The following ACTN2 variants were observed in gnomAD, a reference collection of about 807,000 sequenced individuals.
ACTN2 encodes alpha-actinin-2.
A neutral mutation model predicts 113.8 loss-of-function variants in ACTN2; 39 were observed. The observed-to-expected ratio is 0.34, with a 90% CI of 0.27 to 0.45. The LOEUF is 0.45. ACTN2 is among the 20% of genes least tolerant of loss of function. The probability of loss-of-function intolerance (pLI) is 1.00; values close to 1 mark genes in which losing one functional copy is unlikely to be tolerated. For missense variants in ACTN2, 992 were observed against 1,177.9 expected (o/e 0.84, Z 2.31); for synonymous variants, 429 against 444.1 (o/e 0.97, Z 0.43).
chr1:236,734,589 C>T (rs1240984990), intron 7 of ACTN2: 7 of 1,153,574 alleles, frequency 6.1e-6, no homozygotes, highest in Non-Finnish European at 8.5e-6. Context: ...CAATTGTTTT[C>T]CTCTTTTTTC....
chr1:236,724,570 A>T (rs1658493140), intron 4 of ACTN2, among the ~76,000 whole-genome samples: 1 of 152,220 alleles, frequency 6.6e-6, no homozygotes, highest in Non-Finnish European at 1.5e-5. Flanking sequence ...TTCTGAGGTT[A>T]ATTTCGCCAG....
intron 1 of ACTN2, among the ~76,000 whole-genome samples, chr1:236,705,097 T>A (rs2102874492): frequency 6.6e-6 from 1 of 152,294 alleles, no homozygotes; most frequent in East Asian, 1.9e-4. Context: ...AGCCTGCTCC[T>A]GAGGCCTGAG....
At chr1:236,696,987 C>A (rs367705247) in intron 1 of ACTN2, among the ~76,000 whole-genome samples, 29 of 152,140 alleles carry the variant, frequency 1.9e-4, no homozygotes, top group African/African-American at 6.0e-4. Context: ...TATTTGATGC[C>A]CTTGACCAAT....
intron 1 of ACTN2, among the ~76,000 whole-genome samples, chr1:236,705,586 T>C (rs1657800856): frequency 6.6e-6 from 1 of 152,240 alleles, no homozygotes; most frequent in African/African-American, 2.4e-5. Context: ...TGCATTGCTA[T>C]CAGTTGTCTG....
chr1:236,739,186 C>G (rs1051328846), intron 9 of ACTN2, 116 bp from the exon 10 acceptor site: 2 of 1,084,390 alleles, frequency 1.8e-6, no homozygotes, highest in Non-Finnish European at 2.8e-6. Flanking sequence ...TACCACATCT[C>G]AGTGATTTTA....
In ACTN2 at chr1:236,686,615, A is replaced by G; in HGVS notation, c.-59A>G. 4.0e-6 allele frequency: 6 copies of G among 1,497,732 alleles called. No individual in the cohort carries two copies. Among genetic ancestry groups the G allele is most frequent in the Non-Finnish European group, 5.4e-6 (6 of 1,121,176 alleles). The allele number at this position is 1,497,732 out of a possible 1,614,324, so 92.8% of individuals were successfully genotyped here. A position where few individuals can be genotyped will look rare whatever the true frequency, so the allele number is the denominator to read the frequency against. On this transcript the variant is annotated 5_prime_UTR_variant, in exon 1 of 21. Coordinates refer to ENST00000366578, the MANE Select transcript of ACTN2 (RefSeq NM_001103.4). ...CGCCGCCTCCGTGGGTCCGTTTGCCAGTCAGCCCGTGCGTCCGAGCCCCTC... is the reference window on the plus strand; with the variant it reads ...CGCCGCCTCCGTGGGTCCGTTTGCCGGTCAGCCCGTGCGTCCGAGCCCCTC...
intron 1 of ACTN2, among the ~76,000 whole-genome samples, chr1:236,703,647 G>A (rs1475389079): frequency 6.6e-6 from 1 of 151,366 alleles, no homozygotes; most frequent in Admixed American, 6.6e-5. Flanking sequence ...TCATTTAGGA[G>A]AGATAATGCT....
chr1:236,719,383 TTTCC>T (rs1406156996), intron 3 of ACTN2, among the ~76,000 whole-genome samples: 1 of 152,238 alleles, frequency 6.6e-6, no homozygotes, highest in Admixed American at 6.5e-5. Context: ...GGAGCTGAGA[TTTCC>T]ACCCATATCT....
chr1:236,739,009 G>T (rs1658977241), intron 9 of ACTN2, among the ~76,000 whole-genome samples: 1 of 152,074 alleles, frequency 6.6e-6, no homozygotes, highest in African/African-American at 2.4e-5. Context: ...TCCAGCATTT[G>T]TCTGCTAATG....
chr1:236,718,512 C>T (rs189251080), intron 2 of ACTN2, among the ~76,000 whole-genome samples: 1 of 152,326 alleles, frequency 6.6e-6, no homozygotes, highest in Admixed American at 6.5e-5. Flanking sequence ...CGAACGAGCC[C>T]TGGCAGCCAC....
intron 1 of ACTN2, among the ~76,000 whole-genome samples, chr1:236,709,088 C>T (rs960292185): frequency 6.6e-6 from 1 of 151,250 alleles, no homozygotes; most frequent in Non-Finnish European, 1.5e-5. Flanking sequence ...TTTAACAGAG[C>T]TGTGGTTTCC....
At chr1:236,694,545 A>C (rs1289504326) in intron 1 of ACTN2, among the ~76,000 whole-genome samples, 1 of 152,164 alleles carries the variant, frequency 6.6e-6, no homozygotes, top group Non-Finnish European at 1.5e-5. Context: ...TATTGAATGA[A>C]GAAATTATGA....
intron 12 of ACTN2, among the ~76,000 whole-genome samples, chr1:236,747,443 C>T (rs1344860128): frequency 6.6e-6 from 1 of 152,144 alleles, no homozygotes; most frequent in Non-Finnish European, 1.5e-5. Flanking sequence ...AAATAACATA[C>T]ATTGTATGAA....
chr1:236,762,622 C>A lies in ACTN2; in HGVS notation c.*3C>A. ...TCTACGGGGAGAGCGATCTGTGATG[C>A]TGAGCTTCTGTAATCACTCATCCCA... On this transcript the variant is annotated 3_prime_UTR_variant, in exon 21 of 21. Coordinates refer to ENST00000366578, the MANE Select transcript of ACTN2 (RefSeq NM_001103.4). 6.2e-7 allele frequency: 1 copy of A among 1,613,702 alleles called. No individual in the cohort carries two copies. The highest frequency in any genetic ancestry group is 1.1e-5 in the South Asian group (1 of 90,988).
In ACTN2 at chr1:236,757,544, T is replaced by A. The variant is rs775639863; in HGVS notation, c.2213T>A (p.Val738Glu). Residue 738 changes from valine (V) to glutamate (E), a missense_variant, in exon 18 of 21, where the codon GTG becomes GAG. Physicochemically the swap from Val to Glu is moderately radical, Grantham distance 121. Around this residue, in one of 3 missense-constraint regions of ACTN2, gnomAD observed 736 missense variants for 815.4 expected, o/e 0.90. Transcript: ENST00000366578. ...ACCATCGCCAGAACCATCAATGAGG[T>A]GGAGACTCAGATCCTGACGAGAGAT... ...LTTIARTINE[V>E]ETQILTRDAK... 6.2e-7 allele frequency: 1 copy of A among 1,613,970 alleles called. No homozygotes were observed. Among genetic ancestry groups the A allele is most frequent in the Non-Finnish European group, 8.5e-7 (1 of 1,179,988 alleles).
chr1:236,709,307 CGTATATAT>C (rs766734552), intron 1 of ACTN2, among the ~76,000 whole-genome samples: 1 of 92,488 alleles, frequency 1.1e-5, no homozygotes, highest in East Asian at 2.9e-4. Context: ...TGTATATATA[CGTATATAT>C]GTATATATAT....
Position 236,759,776 on chromosome 1 carries a change from T to A in ACTN2, c.2354T>A (p.Met785Lys). 6.2e-7 allele frequency: 1 copy of A among 1,613,952 alleles called. No individual in the cohort carries two copies. The highest frequency in any genetic ancestry group is 8.5e-7 in the Non-Finnish European group (1 of 1,179,796). ...HEDFRACLISMGYDLGEAEFA... is the reference protein window; with the variant it reads ...HEDFRACLISKGYDLGEAEFA... Reference sequence around the variant, plus strand: ...GATTTCAGAGCCTGCCTGATTTCCATGGGTTATGACCTGGTAAGACAGAAG... The same window carrying A: ...GATTTCAGAGCCTGCCTGATTTCCAAGGGTTATGACCTGGTAAGACAGAAG... Residue 785 changes from methionine to lysine, a missense_variant, in exon 19 of 21, where the codon ATG becomes AAG. By Grantham distance (95) the Met-to-Lys change is moderately conservative. This residue lies in a region of ACTN2 where 736 missense variants were observed against 815.4 expected (regional missense o/e 0.90). Transcript: ENST00000366578.
At chr1:236,696,119 C>T (rs1572094667) in intron 1 of ACTN2, among the ~76,000 whole-genome samples, 1 of 151,866 alleles carries the variant, frequency 6.6e-6, no homozygotes, top group Admixed American at 6.6e-5. Context: ...CCAGCCTGGC[C>T]AACATGGTGA....
rs554597436 is a variant in ACTN2 at position 236,751,172 on chromosome 1, A to C, written c.1657-298A>C. Among the ~76,000 whole-genome samples the C allele has an allele frequency of 2.6e-5, 4 of 152,140 alleles. No individual in the cohort carries two copies. In the South Asian group the frequency reaches 8.3e-4, roughly 32 times the overall value. ...AGCAGAAAATAAGAAAGACCTAAAC[A>C]ATAGCTGGTGATCAAAATCAGTGAA... is the stretch of plus-strand genomic sequence containing the variant. On this transcript the variant is annotated intron_variant, in intron 14 of 20. Transcript: ENST00000366578.
Sources: gnomAD v4.1 joint callset for allele counts (sites outside exome capture counted in the v4.1 genomes callset) on GRCh38, gnomAD v4.1.1 for gene constraint, gnomAD v4.1.1 regional missense constraint, MANE v1.5 for transcripts, NCBI Gene and HGNC (gene_info 2026-07-23, HGNC 2026-07-21) for gene names.